The following MAP2K5 variants were observed in gnomAD, a reference collection of about 807,000 sequenced individuals.
MAP2K5 encodes the protein dual specificity mitogen-activated protein kinase kinase 5.
MAP2K5 carries 49 observed loss-of-function variants against 83.1 expected under a neutral mutation model. The ratio of observed to expected loss-of-function variants is 0.59; its 90% CI spans 0.47 to 0.75. The LOEUF (loss-of-function observed/expected upper bound fraction) is 0.75, where lower values mean the gene tolerates loss of function less well. MAP2K5 is among the 30% of genes least tolerant of loss of function. The pLI is 0.00. For missense variants in MAP2K5, 457 were observed against 557.5 expected (o/e 0.82, Z 1.82); for synonymous variants, 202 against 191.8 (o/e 1.05, Z -0.44).
intron 4 of MAP2K5, 141 bp from the exon 5 acceptor site, chr15:67,585,749 C>A: frequency 1.5e-6 from 1 of 675,560 alleles, no homozygotes; most frequent in Non-Finnish European, 2.7e-6. Context: ...ATAATTCCCA[C>A]TTTGGGTCTT....
At position 67,720,120 on chromosome 15, in the gene MAP2K5, A is replaced by T. The variant is rs907885065; in HGVS notation, c.1045-7796A>T. ...TTTATTTATCAATTAGCTGCCTTAT[A>T]CTTACTATGGCCTAGTTAAAATTGT... is the stretch of plus-strand genomic sequence containing the variant. On this transcript the variant is annotated intron_variant, in intron 16 of 21. Transcript: ENST00000178640. The surrounding 1 kb of genome is among the most constrained non-coding windows in gnomAD (Gnocchi z 5.7). 5.9e-5 allele frequency among the ~76,000 whole-genome samples: 9 copies of T among 152,140 alleles called. No individual in the cohort carries two copies. Among genetic ancestry groups the T allele is most frequent in the African/African-American group, 2.2e-4 (9 of 41,430 alleles).
At chr15:67,712,132 TGAA>T (rs1442553459) in intron 16 of MAP2K5, among the ~76,000 whole-genome samples, 1 of 152,144 alleles carries the variant, frequency 6.6e-6, no homozygotes, top group Non-Finnish European at 1.5e-5. Context: ...AGGCATTAAG[TGAA>T]GGTTTAGATT....
intron 8 of MAP2K5, among the ~76,000 whole-genome samples, chr15:67,611,759 C>G (rs1265541475): frequency 6.6e-6 from 1 of 152,164 alleles, no homozygotes; most frequent in Non-Finnish European, 1.5e-5. Flanking sequence ...TTCCCAATGC[C>G]ATTCCTGGTA....
intron 8 of MAP2K5, among the ~76,000 whole-genome samples, chr15:67,623,390 A>G (rs1414576949): frequency 2.0e-5 from 3 of 152,226 alleles, no homozygotes; most frequent in African/African-American, 7.2e-5. Context: ...TTGGTTCAAC[A>G]TGAAGTAATA....
Position 67,693,289 on chromosome 15 carries a change from A to T in MAP2K5, c.922-229A>T, listed in dbSNP as rs180824712. Among the ~76,000 whole-genome samples the T allele has an allele frequency of 8.1e-4, 123 of 152,350 alleles. 2 individuals carry two copies. The highest frequency in any genetic ancestry group is 2.5e-4 in the Non-Finnish European group (17 of 68,028). ...GTATCCTGCTTAAGTGAATTGTTTAAGGTTATCTGCTATAAACTGTAATGC... is the reference window on the plus strand; with the variant it reads ...GTATCCTGCTTAAGTGAATTGTTTATGGTTATCTGCTATAAACTGTAATGC... On this transcript the variant is annotated intron_variant, in intron 14 of 21. Coordinates refer to ENST00000178640, the MANE Select transcript of MAP2K5 (RefSeq NM_145160.3).
At chr15:67,688,939 T>G (rs1005528818) in intron 13 of MAP2K5, among the ~76,000 whole-genome samples, 10 of 152,176 alleles carry the variant, frequency 6.6e-5, no homozygotes, top group African/African-American at 2.4e-4. Context: ...ATTAGCAAAT[T>G]TAATGTATCA....
intron 21 of MAP2K5, among the ~76,000 whole-genome samples, chr15:67,799,028 G>T (rs545692475): frequency 3.9e-5 from 6 of 152,328 alleles, no homozygotes; most frequent in Non-Finnish European, 8.8e-5. Context: ...AATTAGCTGG[G>T]CATGGTGGCG....
rs937433782 is a variant in MAP2K5, at chr15:67,779,936, A to T, written c.1242+7184A>T. On this transcript the variant is annotated intron_variant, in intron 21 of 21. Coordinates refer to ENST00000178640, the MANE Select transcript of MAP2K5 (RefSeq NM_145160.3). The surrounding 1 kb of genome is among the most constrained non-coding windows in gnomAD (Gnocchi z 4.6). ...TTCCTCATTGGCCATGACTCAGCTC[A>T]CTAGAACTTTCTGTTATTTGGGTGG... Among the ~76,000 whole-genome samples, 1 of 152,144 alleles carries T rather than the reference A, an allele frequency of 6.6e-6. No individual in the cohort carries two copies. The highest frequency in any genetic ancestry group is 1.5e-5 in the Non-Finnish European group (1 of 67,994).
intron 3 of MAP2K5, among the ~76,000 whole-genome samples, chr15:67,568,987 C>A (rs2140974688): frequency 8.7e-6 from 1 of 114,816 alleles, no homozygotes; most frequent in African/African-American, 3.5e-5. Context: ...GCCTGGGCGA[C>A]AGAGCAAGAC....
At chr15:67,675,886 T>A (rs888040780) in intron 13 of MAP2K5, among the ~76,000 whole-genome samples, 2 of 151,990 alleles carry the variant, frequency 1.3e-5, no homozygotes, top group African/African-American at 4.8e-5. Context: ...ATTCTGAAAA[T>A]GAGTATCAAT....
rs2090713067 is a variant in MAP2K5 at position 67,801,893 on chromosome 15, G to C, written c.1243-4753G>C. Reference sequence around the variant, plus strand: ...TCTCTAGAAAGTTATAGAAAGAGATGAAAGTATGGGGACCCCAAATAGGTA... The same window carrying C: ...TCTCTAGAAAGTTATAGAAAGAGATCAAAGTATGGGGACCCCAAATAGGTA... On this transcript the variant is annotated intron_variant, in intron 21 of 21. Coordinates refer to ENST00000178640, the MANE Select transcript of MAP2K5 (RefSeq NM_145160.3). The surrounding 1 kb of genome is among the most constrained non-coding windows in gnomAD (Gnocchi z 4.8). 6.6e-6 allele frequency among the ~76,000 whole-genome samples: 1 copy of C among 152,234 alleles called. No homozygotes were observed. Among genetic ancestry groups the C allele is most frequent in the Admixed American group, 6.5e-5 (1 of 15,288 alleles).
chr15:67,751,085 C>T (rs62015179), intron 19 of MAP2K5, among the ~76,000 whole-genome samples: 14,196 of 152,036 alleles, frequency 0.093, 761 homozygotes, highest in Admixed American at 0.11. Context: ...GGGCAAGAGC[C>T]AGTCCTGGAA....
At chr15:67,571,685 G>T (rs1006277516) in intron 3 of MAP2K5, among the ~76,000 whole-genome samples, 8 of 151,832 alleles carry the variant, frequency 5.3e-5, no homozygotes, top group African/African-American at 9.7e-5. Context: ...TATAAGATCA[G>T]CAAGGCAGGT....
chr15:67,629,970 G>A (rs2086429434), intron 8 of MAP2K5, among the ~76,000 whole-genome samples: 2 of 152,162 alleles, frequency 1.3e-5, no homozygotes, highest in South Asian at 4.1e-4. Flanking sequence ...AGGTACGGTG[G>A]CTCACTCCTG....
intron 15 of MAP2K5, among the ~76,000 whole-genome samples, chr15:67,697,832 C>T (rs933055090): frequency 5.9e-5 from 9 of 151,996 alleles, no homozygotes; most frequent in South Asian, 2.1e-4. Context: ...TAATCGAAAG[C>T]GTAAAATATA....
At position 67,552,234 on chromosome 15, in the gene MAP2K5, A is replaced by C. The variant is rs2084525562; in HGVS notation, c.184+2152A>C. Among the ~76,000 whole-genome samples the C allele has an allele frequency of 1.3e-5, 2 of 152,246 alleles. No homozygotes were observed. The highest frequency in any genetic ancestry group is 1.5e-5 in the Non-Finnish European group (1 of 68,042). ...TTAGTCACATTGAACTCTGTACTATAGAAAAATAGTACATCTGTCTGAAAT... is the reference window on the plus strand; with the variant it reads ...TTAGTCACATTGAACTCTGTACTATCGAAAAATAGTACATCTGTCTGAAAT... On this transcript the variant is annotated intron_variant, in intron 2 of 21. Transcript: ENST00000178640. This position sits in a 1 kb window ranked among gnomAD's most constrained non-coding sequence, Gnocchi z 4.2.
intron 15 of MAP2K5, among the ~76,000 whole-genome samples, chr15:67,694,038 T>G (rs181769386): frequency 1.1e-3 from 167 of 152,320 alleles, no homozygotes; most frequent in African/African-American, 3.7e-3. Flanking sequence ...CAGTTTTCTA[T>G]AGAACTTGTA....
chr15:67,697,093 TACTC>T (rs2088283688), intron 15 of MAP2K5, among the ~76,000 whole-genome samples: 2 of 152,122 alleles, frequency 1.3e-5, no homozygotes, highest in Admixed American at 1.3e-4. Context: ...GATGAGCAAA[TACTC>T]AGAAATAGAA....
chr15:67,760,976 A>G lies in MAP2K5; in HGVS notation c.1135-8626A>G, dbSNP rs1021746219. ...GCCGGCTGTTAATTTTCTCTAAACC[A>G]GGGAAAATGTGTATGTGAGCAGTAC... On this transcript the variant is annotated intron_variant, in intron 19 of 21. Transcript: ENST00000178640. The surrounding 1 kb of genome is among the most constrained non-coding windows in gnomAD (Gnocchi z 4.1). 2.4e-4 allele frequency among the ~76,000 whole-genome samples: 37 copies of G among 152,236 alleles called. No individual in the cohort carries two copies. The highest frequency in any genetic ancestry group is 6.8e-3 in the Middle Eastern group (2 of 294).
Sources: allele counts gnomAD v4.1 joint callset (sites outside exome capture counted in the v4.1 genomes callset), GRCh38; gene constraint gnomAD v4.1.1; non-coding constraint Gnocchi (gnomAD v3.1); transcripts MANE v1.5; gene names NCBI Gene and HGNC (gene_info 2026-07-23, HGNC 2026-07-21).